SORCS1: variants seen among roughly 807,000 people sequenced by gnomAD.
The protein encoded by SORCS1 is sortilin related VPS10 domain containing receptor 1.
A neutral mutation model predicts 146.1 loss-of-function variants in SORCS1; 60 were observed. That is an observed-to-expected ratio of 0.41 (90% CI 0.33 to 0.51). The LOEUF (loss-of-function observed/expected upper bound fraction) is 0.51. Ranked by LOEUF, SORCS1 falls within the 20% of genes least tolerant of loss-of-function variation. The pLI, the probability that SORCS1 is intolerant of heterozygous loss-of-function variation, is 0.21. For synonymous variants in SORCS1, 637 were observed against 584.0 expected, an observed-to-expected ratio of 1.09 and a Z score of -1.31; for missense variants, 1,352 against 1,487.6, an observed-to-expected ratio of 0.91 and a Z score of 1.50.
At chr10:107,153,544 C>T (rs557172293) in intron 1 of SORCS1, among the ~76,000 whole-genome samples, 23 of 152,222 alleles carry the variant, frequency 1.5e-4, no homozygotes, top group African/African-American at 4.8e-4. Flanking sequence ...TCAACAAAGG[C>T]GATGATAAAC....
chr10:107,058,678 A>C (rs1960882006), intron 1 of SORCS1, among the ~76,000 whole-genome samples: 1 of 152,180 alleles, frequency 6.6e-6, no homozygotes, highest in Non-Finnish European at 1.5e-5. Flanking sequence ...TGGGACAATA[A>C]TACTTATCTC....
intron 25 of SORCS1, chr10:106,578,882 A>G: frequency 7.1e-7 from 1 of 1,407,382 alleles, no homozygotes; most frequent in Non-Finnish European, 9.2e-7. Flanking sequence ...GAATAAACTA[A>G]TGAGAGAAAA....
chr10:106,951,946 A>T (rs1463893844), intron 2 of SORCS1, among the ~76,000 whole-genome samples: 2 of 152,158 alleles, frequency 1.3e-5, no homozygotes, highest in Non-Finnish European at 2.9e-5. Flanking sequence ...CTTGAAACTT[A>T]ACATTTGTTT....
chr10:106,875,016 T>C (rs1416993833), intron 2 of SORCS1, among the ~76,000 whole-genome samples: 2 of 152,208 alleles, frequency 1.3e-5, no homozygotes. Context: ...GTTGCATGGA[T>C]GAATTATATA....
chr10:106,695,145 C>T (rs181313795), intron 9 of SORCS1, among the ~76,000 whole-genome samples: 105 of 152,278 alleles, frequency 6.9e-4, no homozygotes, highest in African/African-American at 2.5e-3. Flanking sequence ...TTTTAGGACA[C>T]TTGTTTCCAG....
intron 2 of SORCS1, among the ~76,000 whole-genome samples, chr10:106,876,867 TA>T (rs143323566): frequency 0.047 from 7,101 of 152,298 alleles, 279 homozygotes; most frequent in Non-Finnish European, 0.068. Flanking sequence ...CCAACATGAA[TA>T]GCCACTTTAA....
At chr10:106,821,069 CAGATAGT>C (rs1947997833) in intron 3 of SORCS1, among the ~76,000 whole-genome samples, 1 of 152,130 alleles carries the variant, frequency 6.6e-6, no homozygotes, top group Non-Finnish European at 1.5e-5. Flanking sequence ...GAAGATTGCG[CAGATAGT>C]CTATTATGCT....
chr10:107,031,833 C>A (rs1958672410), intron 1 of SORCS1, among the ~76,000 whole-genome samples: 1 of 152,216 alleles, frequency 6.6e-6, no homozygotes, highest in African/African-American at 2.4e-5. Context: ...GTGTTCCACA[C>A]TAAAACTCAG....
chr10:107,056,940 C>T (rs902488486), intron 1 of SORCS1, among the ~76,000 whole-genome samples: 1 of 152,192 alleles, frequency 6.6e-6, no homozygotes, highest in Non-Finnish European at 1.5e-5. Flanking sequence ...TGCCTGTCCC[C>T]CTTTCAGCGT....
chr10:106,642,414 A>G (rs1201231414), intron 18 of SORCS1, among the ~76,000 whole-genome samples: 1 of 152,192 alleles, frequency 6.6e-6, no homozygotes, highest in East Asian at 1.9e-4. Context: ...CAGAAGCATG[A>G]TCTTTTGACA....
chr10:106,766,708 A>C (rs1859600991), intron 4 of SORCS1, among the ~76,000 whole-genome samples: 1 of 152,154 alleles, frequency 6.6e-6, no homozygotes, highest in Admixed American at 6.6e-5. Flanking sequence ...CCCCACACCC[A>C]ACCCTGCCCC....
intron 1 of SORCS1, among the ~76,000 whole-genome samples, chr10:107,125,328 T>C (rs1263632530): frequency 6.6e-6 from 1 of 152,180 alleles, no homozygotes; most frequent in Non-Finnish European, 1.5e-5. Flanking sequence ...TTTGCTCAGC[T>C]AGAAATTTTC....
At chr10:106,652,654 T>A (rs1157139070) in intron 17 of SORCS1, 101 bp from the exon 18 acceptor site, 14 of 1,296,762 alleles carry the variant, frequency 1.1e-5, no homozygotes, top group Non-Finnish European at 1.5e-5. Flanking sequence ...GGACCATCAG[T>A]AAGCACCTAA....
At chr10:106,579,589 G>C in intron 24 of SORCS1, 115 bp from the exon 25 acceptor site, 1 of 1,026,394 alleles carries the variant, frequency 9.7e-7, no homozygotes, top group Non-Finnish European at 1.5e-6. Flanking sequence ...AACCATGTGG[G>C]ATATACACAC....
intron 1 of SORCS1, among the ~76,000 whole-genome samples, chr10:107,014,273 G>T (rs12260985): frequency 2.4e-5 from 3 of 125,936 alleles, no homozygotes; most frequent in Non-Finnish European, 5.0e-5. Context: ...AAAAAAAAAA[G>T]AAAAGAAAAA....
intron 24 of SORCS1, among the ~76,000 whole-genome samples, chr10:106,588,860 CAAAAAAAAAAAAAAAAAA>C (rs778852501): frequency 8.0e-4 from 28 of 35,118 alleles, no homozygotes; most frequent in African/African-American, 2.2e-3. Flanking sequence ...GACTCCATCT[CAAAAAAAAAAAAAAAAAA>C]AAAAAAAAAA....
At chr10:106,883,471 G>A (rs1483427489) in intron 2 of SORCS1, among the ~76,000 whole-genome samples, 1 of 150,152 alleles carries the variant, frequency 6.7e-6, no homozygotes, top group Admixed American at 6.6e-5. Context: ...CTGGAGTGCA[G>A]TGGCACGATC....
intron 21 of SORCS1, among the ~76,000 whole-genome samples, chr10:106,617,153 C>T (rs1040765806): frequency 1.3e-5 from 2 of 151,962 alleles, no homozygotes; most frequent in African/African-American, 4.8e-5. Flanking sequence ...TGGGGTTTCA[C>T]CATGTTGGTC....
At chr10:107,161,863 C>T (rs1362005497) in intron 1 of SORCS1, among the ~76,000 whole-genome samples, 6 of 152,098 alleles carry the variant, frequency 3.9e-5, no homozygotes, top group Non-Finnish European at 8.8e-5. Context: ...GAAGAAACAC[C>T]TTTGTGTGTG....
Sources: allele counts gnomAD v4.1 joint callset (sites outside exome capture counted in the v4.1 genomes callset), GRCh38; gene constraint gnomAD v4.1.1; transcripts MANE v1.5; gene names NCBI Gene and HGNC (gene_info 2026-07-23, HGNC 2026-07-21).